Variants in SLIT2 observed in about 807,000 individuals in gnomAD.
The protein encoded by SLIT2 is slit guidance ligand 2.
A neutral mutation model predicts 185.7 loss-of-function variants in SLIT2; 41 were observed. The observed-to-expected ratio is 0.22, with a 90% CI of 0.17 to 0.29. The LOEUF is 0.29. Among genes scored for constraint, SLIT2 ranks in the 10% least tolerant of loss-of-function variants. The probability of loss-of-function intolerance (pLI) is 1.00; values close to 1 mark genes in which losing one functional copy is unlikely to be tolerated. For synonymous variants in SLIT2, 693 were observed against 680.2 expected (o/e 1.02, Z -0.29); for missense variants, 1,571 against 1,909.0 (o/e 0.82, Z 3.30).
chr4:20,433,861 C>T (rs574019105), intron 4 of SLIT2, among the ~76,000 whole-genome samples: 21 of 152,232 alleles, frequency 1.4e-4, no homozygotes, highest in Non-Finnish European at 2.9e-4. Context: ...GTGATACATA[C>T]GTTTAGAGGG....
chr4:20,293,099 G>T (rs990387511), intron 4 of SLIT2, among the ~76,000 whole-genome samples: 14 of 152,208 alleles, frequency 9.2e-5, no homozygotes, highest in African/African-American at 3.4e-4. Flanking sequence ...TGACTTAGTT[G>T]ACATGGTTAA....
chr4:20,318,184 T>G (rs1464103185), intron 4 of SLIT2, among the ~76,000 whole-genome samples: 1 of 152,146 alleles, frequency 6.6e-6, no homozygotes, highest in African/African-American at 2.4e-5. Context: ...ACATTGTTGA[T>G]CCCCTCAGTA....
At chr4:20,440,938 C>T (rs937145626) in intron 4 of SLIT2, among the ~76,000 whole-genome samples, 2 of 152,006 alleles carry the variant, frequency 1.3e-5, no homozygotes, top group African/African-American at 4.8e-5. Flanking sequence ...TATTTACATT[C>T]TGGGTACAAG....
chr4:20,447,779 C>T (rs538202010), intron 4 of SLIT2, among the ~76,000 whole-genome samples: 9 of 152,298 alleles, frequency 5.9e-5, no homozygotes, highest in East Asian at 3.9e-4. Flanking sequence ...CCTAAACACA[C>T]GGACACACGC....
intron 4 of SLIT2, among the ~76,000 whole-genome samples, chr4:20,425,727 T>C (rs79946086): frequency 0.016 from 2,377 of 152,306 alleles, 32 homozygotes; most frequent in East Asian, 0.081. Context: ...AATGCTTTAG[T>C]CTTTCAAATA....
In SLIT2 at chr4:20,467,543, C is replaced by T. The variant is rs190950883; in HGVS notation, c.396-209C>T. Among the ~76,000 whole-genome samples the T allele has an allele frequency of 2.3e-3, 354 of 151,952 alleles. 1 individual carries two copies. Among genetic ancestry groups the T allele is most frequent in the African/African-American group, 7.7e-3 (318 of 41,526 alleles). ...AAATTAAAGATCTAGAAGCATACTT[C>T]AAGAAGCCATTATTCCAACTTTTTA... On this transcript the variant is annotated intron_variant, in intron 4 of 36. Transcript: ENST00000504154.
At position 20,527,586 on chromosome 4, in the gene SLIT2, T is replaced by G. The variant is rs1721411225; in HGVS notation, c.1463-1363T>G. Among the ~76,000 whole-genome samples the G allele has an allele frequency of 2.0e-5, 3 of 152,244 alleles. No individual in the cohort carries two copies. The South Asian group carries it at 6.2e-4, about 32-fold the overall frequency. ...AGGCGTGAGCCACCACACCCGGCCTTGAGAGTTCATCTTTTAAAGGAATCA... is the reference window on the plus strand; with the variant it reads ...AGGCGTGAGCCACCACACCCGGCCTGGAGAGTTCATCTTTTAAAGGAATCA... On this transcript the variant is annotated intron_variant, in intron 15 of 36. Coordinates refer to ENST00000504154, the MANE Select transcript of SLIT2 (RefSeq NM_004787.4).
chr4:20,256,568 T>G (rs1711868900), intron 1 of SLIT2, 104 bp from the exon 2 acceptor site: 1 of 622,564 alleles, frequency 1.6e-6, no homozygotes, highest in Non-Finnish European at 2.9e-6. Context: ...GTATACTACT[T>G]TAGTAATTGA....
At chr4:20,526,628 T>C (rs1006637938) in intron 15 of SLIT2, among the ~76,000 whole-genome samples, 1 of 152,192 alleles carries the variant, frequency 6.6e-6, no homozygotes, top group African/African-American at 2.4e-5. Flanking sequence ...AGTCAGGTTG[T>C]TTTCATATAT....
chr4:20,380,667 CTT>C (rs928176597), intron 4 of SLIT2, among the ~76,000 whole-genome samples: 1 of 151,484 alleles, frequency 6.6e-6, no homozygotes, highest in Non-Finnish European at 1.5e-5. Flanking sequence ...TAGATAAACA[CTT>C]AAGAAGAAAA....
intron 4 of SLIT2, among the ~76,000 whole-genome samples, chr4:20,450,773 A>T (rs1011559215): frequency 6.6e-6 from 1 of 152,244 alleles, no homozygotes; most frequent in Non-Finnish European, 1.5e-5. Flanking sequence ...GAAAAGCCAT[A>T]GTGTAAATCC....
In SLIT2 at chr4:20,252,518, G is replaced by C. The variant is rs192052519; in HGVS notation, c.-1298G>C. Among the ~76,000 whole-genome samples the C allele has an allele frequency of 6.6e-6, 1 of 152,304 alleles. No individual in the cohort carries two copies. The highest frequency in any genetic ancestry group is 1.9e-4 in the East Asian group (1 of 5,148). On this transcript the variant is annotated 5_prime_UTR_variant, in exon 1 of 37. Coordinates refer to ENST00000504154, the MANE Select transcript of SLIT2 (RefSeq NM_004787.4). ...TACCGCCACTGTGGCCTTGGGGGAC[G>C]GAATTCAAAGCCTGGGAAAAGTTGC...
intron 4 of SLIT2, among the ~76,000 whole-genome samples, chr4:20,275,528 T>G (rs905427635): frequency 6.6e-6 from 1 of 152,216 alleles, no homozygotes; most frequent in Non-Finnish European, 1.5e-5. Context: ...CAACTTGCCC[T>G]CAGTCAGCAA....
intron 6 of SLIT2, among the ~76,000 whole-genome samples, chr4:20,482,196 A>C (rs1716767790): frequency 6.6e-6 from 1 of 151,978 alleles, no homozygotes; most frequent in African/African-American, 2.4e-5. Context: ...ACAGCTGATC[A>C]AGCCAAAAAT....
At chr4:20,601,276 A>T (rs925058385) in intron 33 of SLIT2, among the ~76,000 whole-genome samples, 19 of 152,240 alleles carry the variant, frequency 1.2e-4, no homozygotes, top group Non-Finnish European at 1.9e-4. Context: ...TCTTGGACAG[A>T]TTGCTTCAGC....
chr4:20,280,259 G>T (rs1405174493), intron 4 of SLIT2, among the ~76,000 whole-genome samples: 3 of 151,344 alleles, frequency 2.0e-5, no homozygotes, highest in African/African-American at 7.3e-5. Context: ...CGTGAACCTG[G>T]GAGGCGGAGG....
intron 4 of SLIT2, among the ~76,000 whole-genome samples, chr4:20,446,970 C>T (rs926708078): frequency 3.9e-5 from 6 of 152,156 alleles, no homozygotes; most frequent in African/African-American, 1.2e-4. Flanking sequence ...TGAACAAAGG[C>T]AGCAGAGAAA....
At chr4:20,300,351 C>G (rs1047685890) in intron 4 of SLIT2, among the ~76,000 whole-genome samples, 1 of 151,964 alleles carries the variant, frequency 6.6e-6, no homozygotes. Flanking sequence ...TAGGGTATAT[C>G]TTATCAAAAG....
intron 4 of SLIT2, among the ~76,000 whole-genome samples, chr4:20,286,466 C>G (rs1401362591): frequency 6.6e-6 from 1 of 152,098 alleles, no homozygotes; most frequent in Non-Finnish European, 1.5e-5. Flanking sequence ...ATTTCTTTAT[C>G]TATACAGTCC....
Sources: gnomAD v4.1 joint callset for allele counts (sites outside exome capture counted in the v4.1 genomes callset) on GRCh38, gnomAD v4.1.1 for gene constraint, MANE v1.5 for transcripts, NCBI Gene and HGNC (gene_info 2026-07-23, HGNC 2026-07-21) for gene names.